The following ETFBKMT variants were observed in gnomAD, a reference collection of about 807,000 sequenced individuals.
The protein encoded by ETFBKMT is electron transfer flavoprotein beta subunit lysine methyltransferase.
ETFBKMT carries 13 observed loss-of-function variants against 18.3 expected under a neutral mutation model. The observed-to-expected ratio is 0.71, with a 90% confidence interval of 0.46 to 1.13. ETFBKMT has a LOEUF of 1.13. Among genes scored for constraint, ETFBKMT ranks in the 50% most tolerant of loss-of-function variants. The pLI, the probability that ETFBKMT is intolerant of heterozygous loss-of-function variation, is 0.00. For synonymous variants in ETFBKMT, 84 were observed against 107.9 expected, an observed-to-expected ratio of 0.78 and a Z score of 1.37; for missense variants, 293 against 306.2, an observed-to-expected ratio of 0.96 and a Z score of 0.32.
chr12:31,656,104 A>G (rs1280638271), upstream of ETFBKMT, among the ~76,000 whole-genome samples: 3 of 152,180 alleles, frequency 2.0e-5, no homozygotes, highest in Non-Finnish European at 4.4e-5. Context: ...GCCAGAGGCT[A>G]AAAGAGGTAT....
intron 1 of ETFBKMT, among the ~76,000 whole-genome samples, chr12:31,653,867 G>A (rs1951037647): frequency 6.6e-6 from 1 of 152,030 alleles, no homozygotes; most frequent in Non-Finnish European, 1.5e-5. Context: ...AGAATCACTT[G>A]AACCTGGGAG....
At position 31,668,894 on chromosome 12, in the gene ETFBKMT, T is replaced by C. The variant is rs1044404758; in HGVS notation, c.*904T>C. ...TCTTGCGTGTTGTATGCTTTTCGCA[T>C]TAGAGCCCTTTGCATGTTAATCAGT... On this transcript the variant is annotated 3_prime_UTR_variant, in exon 4 of 4. Transcript: ENST00000357721. 1.3e-5 allele frequency: 2 copies of C among 152,246 alleles called. No homozygotes were observed. Among genetic ancestry groups the C allele is most frequent in the African/African-American group, 2.4e-5 (1 of 41,460 alleles). The allele number at this position is 152,246 out of a possible 1,614,324, so 9.4% of individuals were successfully genotyped here. A position where few individuals can be genotyped will look rare whatever the true frequency, so the allele number is the denominator to read the frequency against.
chr12:31,652,743 C>T (rs1951027990), intron 1 of ETFBKMT, among the ~76,000 whole-genome samples: 1 of 152,168 alleles, frequency 6.6e-6, no homozygotes, highest in African/African-American at 2.4e-5. Flanking sequence ...TGGTCAGATT[C>T]TGCATAGACA....
chr12:31,663,022 G>A (rs543032641), intron 2 of ETFBKMT, among the ~76,000 whole-genome samples: 2 of 152,186 alleles, frequency 1.3e-5, no homozygotes, highest in African/African-American at 4.8e-5. Context: ...AGCCAGTGCA[G>A]GAGGACAGCT....
At position 31,672,678 on chromosome 12, in the gene ETFBKMT, T is replaced by C. The variant is rs878968570; in HGVS notation, c.*4688T>C. 2.0e-5 allele frequency: 5 copies of C among 248,162 alleles called. No homozygotes were observed. The highest frequency in any genetic ancestry group is 1.9e-4 in the South Asian group (3 of 15,554). The allele number at this position is 248,162 out of a possible 1,614,324, so 15.4% of individuals were successfully genotyped here. ...CCAGAGTAATGGTCTAATTTCACCATTAACCTGTGTTAATGGTTAATAACT... is the reference window on the plus strand; with the variant it reads ...CCAGAGTAATGGTCTAATTTCACCACTAACCTGTGTTAATGGTTAATAACT... On this transcript the variant is annotated 3_prime_UTR_variant, in exon 4 of 4. Transcript: ENST00000357721.
rs1412132392 is a variant in ETFBKMT, at chr12:31,671,306, G to T, written c.*3316G>T. 6.6e-6 allele frequency: 1 copy of T among 152,092 alleles called. No individual in the cohort carries two copies. Among genetic ancestry groups the T allele is most frequent in the African/African-American group, 2.4e-5 (1 of 41,416 alleles). The allele number at this position is 152,092 out of a possible 1,614,324, so 9.4% of individuals were successfully genotyped here. A position where few individuals can be genotyped will look rare whatever the true frequency, so the allele number is the denominator to read the frequency against. On this transcript the variant is annotated 3_prime_UTR_variant, in exon 4 of 4. Coordinates refer to ENST00000357721, the MANE Select transcript of ETFBKMT (RefSeq NM_001135863.2). ...ATACCACATTTATAAATCTTGTAAGGACAAGAAATGGAGTTGAATAAGTAC... is the reference window on the plus strand; with the variant it reads ...ATACCACATTTATAAATCTTGTAAGTACAAGAAATGGAGTTGAATAAGTAC...
chr12:31,647,551 A>G (rs1950978876), intron 1 of ETFBKMT, among the ~76,000 whole-genome samples: 1 of 152,110 alleles, frequency 6.6e-6, no homozygotes, highest in Non-Finnish European at 1.5e-5. Context: ...TTAAAGAGGT[A>G]ATTTAGGGGC....
chr12:31,668,552 C>T lies in ETFBKMT; in HGVS notation c.*562C>T, dbSNP rs1419784834. 1.3e-5 allele frequency: 2 copies of T among 150,970 alleles called. No individual in the cohort carries two copies. Among genetic ancestry groups the T allele is most frequent in the African/African-American group, 2.4e-5 (1 of 40,914 alleles). 9.4% of individuals were successfully genotyped at this position (150,970 alleles called of 1,614,324 possible). ...TGTCGTCCAGGCTGGAGTGCAGTGA[C>T]TCATGTCTCGGCTCACTGTAGCCTC... On this transcript the variant is annotated 3_prime_UTR_variant, in exon 4 of 4. Coordinates refer to ENST00000357721, the MANE Select transcript of ETFBKMT (RefSeq NM_001135863.2).
chr12:31,668,799 GTTT>G lies in ETFBKMT; in HGVS notation c.*813_*815del, dbSNP rs1349518231. On this transcript the variant is annotated 3_prime_UTR_variant, in exon 4 of 4. Coordinates refer to ENST00000357721, the MANE Select transcript of ETFBKMT (RefSeq NM_001135863.2). ...TGAGCCACCACGCCAGCCTGACGATGTTTTTTACTTCTATCACTTCCTTTTGAT... is the reference window on the plus strand; with the variant it reads ...TGAGCCACCACGCCAGCCTGACGATGTTTACTTCTATCACTTCCTTTTGAT... 1 of 152,260 alleles carries G rather than the reference GTTT, an allele frequency of 6.6e-6. No individual in the cohort carries two copies. The highest frequency in any genetic ancestry group is 2.4e-5 in the African/African-American group (1 of 41,554). 9.4% of individuals were successfully genotyped at this position (152,260 alleles called of 1,614,324 possible). A position where few individuals can be genotyped will look rare whatever the true frequency, so the allele number is the denominator to read the frequency against.
At chr12:31,650,579 T>C (rs190989480) in intron 1 of ETFBKMT, among the ~76,000 whole-genome samples, 8 of 150,858 alleles carry the variant, frequency 5.3e-5, no homozygotes, top group Admixed American at 2.7e-4. Flanking sequence ...GTGATCCCTT[T>C]CCAGTAACAC....
At chr12:31,652,184 C>T (rs1425400776) in intron 1 of ETFBKMT, among the ~76,000 whole-genome samples, 1 of 152,218 alleles carries the variant, frequency 6.6e-6, no homozygotes. Flanking sequence ...AACTTCGGCG[C>T]ATCCACTGCC....
chr12:31,651,670 C>T (rs1389037249), intron 1 of ETFBKMT, among the ~76,000 whole-genome samples: 1 of 152,102 alleles, frequency 6.6e-6, no homozygotes, highest in Non-Finnish European at 1.5e-5. Context: ...TAACCCTTAT[C>T]TCCAGAGACT....
At chr12:31,664,109 C>T (rs563858899) in intron 2 of ETFBKMT, among the ~76,000 whole-genome samples, 96 of 151,630 alleles carry the variant, frequency 6.3e-4, no homozygotes, top group African/African-American at 2.2e-3. Flanking sequence ...CCCCTTCACC[C>T]CTGACTTCCT....
In ETFBKMT at chr12:31,671,126, G is replaced by A. The variant is rs1592141115; in HGVS notation, c.*3136G>A. 6.6e-6 allele frequency: 1 copy of A among 152,084 alleles called. No homozygotes were observed. The highest frequency in any genetic ancestry group is 2.1e-4 in the South Asian group (1 of 4,832). 9.4% of individuals were successfully genotyped at this position (152,084 alleles called of 1,614,324 possible). ...GTCGAAACTAGTTTCTGCAAAAAGG[G>A]GAAAATGTGATTGACTTGGTTAAAT... On this transcript the variant is annotated 3_prime_UTR_variant, in exon 4 of 4. Transcript: ENST00000357721.
Position 31,667,907 on chromosome 12 carries a change from G to A in ETFBKMT, c.706G>A (p.Val236Met), listed in dbSNP as rs1951219428. Residue 236 changes from valine to methionine, a missense_variant, in exon 4 of 4, where the codon GTG becomes ATG. Coordinates refer to ENST00000357721, the MANE Select transcript of ETFBKMT (RefSeq NM_001135863.2). ...CAGCATTCAGCATCACCTGCACAAA[G>A]TGGTAGAATATTCACTTTTGGAGTC... ...GHSIQHHLHK[V>M]VEYSLLESTR... 7.4e-6 allele frequency: 12 copies of A among 1,614,222 alleles called. No individual in the cohort carries two copies. Among genetic ancestry groups the A allele is most frequent in the Non-Finnish European group, 1.0e-5 (12 of 1,180,048 alleles).
At chr12:31,657,120 A>C, upstream of ETFBKMT, among the ~76,000 whole-genome samples, 1 of 152,376 alleles carries the variant, frequency 6.6e-6, no homozygotes. Flanking sequence ...AACTTGTTGA[A>C]AAACCAAAAA....
intron 1 of ETFBKMT, among the ~76,000 whole-genome samples, chr12:31,652,513 G>T (rs1951026657): frequency 6.6e-6 from 1 of 152,104 alleles, no homozygotes; most frequent in Non-Finnish European, 1.5e-5. Context: ...TTTTCTTCAG[G>T]TCGTCGCCCC....
At chr12:31,665,466 A>G (rs1019419300) in intron 2 of ETFBKMT, among the ~76,000 whole-genome samples, 2 of 152,148 alleles carry the variant, frequency 1.3e-5, no homozygotes, top group African/African-American at 4.8e-5. Context: ...CAACCTAAAG[A>G]CATCTCTTTT....
Position 31,667,748 on chromosome 12 carries a change from CTTG to C in ETFBKMT, c.553_555del (p.Val185del), listed in dbSNP as rs774988598. On this transcript the variant is annotated inframe_deletion, in exon 4 of 4. Transcript: ENST00000357721. ...GAATTTGGAACAAGATAAGTGGGAC[CTTG>C]TTGTTCTTGGCGATATGTTTTATGA... is the stretch of plus-strand genomic sequence containing the variant. 27 of 1,613,902 alleles carry C rather than the reference CTTG, an allele frequency of 1.7e-5. No homozygotes were observed. In the East Asian group the frequency reaches 4.7e-4, roughly 28 times the overall value.
Sources: allele counts gnomAD v4.1 joint callset (sites outside exome capture counted in the v4.1 genomes callset), GRCh38; gene constraint gnomAD v4.1.1; transcripts MANE v1.5; gene names NCBI Gene and HGNC (gene_info 2026-07-23, HGNC 2026-07-21).